Variants in HSD3B1 observed in about 807,000 individuals in gnomAD.
HSD3B1 encodes the protein hydroxy-delta-5-steroid dehydrogenase, 3 beta- and steroid delta-isomerase 1.
In HSD3B1, 11 loss-of-function variants were observed where a neutral mutation model predicts 10.4. The ratio of observed to expected loss-of-function variants is 1.05; its 90% CI spans 0.66 to 1.75. The LOEUF (loss-of-function observed/expected upper bound fraction) is 1.75, where lower values mean the gene tolerates loss of function less well. Ranked by LOEUF, HSD3B1 falls within the 40% of genes most tolerant of loss-of-function variation. The probability of loss-of-function intolerance (pLI) is 0.00; values close to 1 mark genes in which losing one functional copy is unlikely to be tolerated. For missense variants in HSD3B1, 490 were observed against 454.5 expected, an observed-to-expected ratio of 1.08 and a Z score of -0.71; for synonymous variants, 217 against 185.4, an observed-to-expected ratio of 1.17 and a Z score of -1.39.
intron 2 of HSD3B1, 137 bp from the exon 3 acceptor site, chr1:119,511,366 T>G: frequency 1.3e-6 from 1 of 770,468 alleles, no homozygotes; most frequent in South Asian, 1.6e-5. Flanking sequence ...TTACTTGTTC[T>G]TTCCGTAGAA....
At position 119,510,717 on chromosome 1, in the gene HSD3B1, C is replaced by CTTTTTTTTTTTTTTTTTTTTTT. The variant is rs962978657; in HGVS notation, c.146-770_146-749dup. Among the ~76,000 whole-genome samples, 8 of 54,168 alleles carry CTTTTTTTTTTTTTTTTTTTTTT rather than the reference C, an allele frequency of 1.5e-4. 3 individuals carry two copies. Among genetic ancestry groups the CTTTTTTTTTTTTTTTTTTTTTT allele is most frequent in the Admixed American group, 9.6e-4 (4 of 4,176 alleles). The allele number at this position is 54,168 out of a possible 152,430, so 35.5% of individuals were successfully genotyped here. A position where few individuals can be genotyped will look rare whatever the true frequency, so the allele number is the denominator to read the frequency against. ...TTTTTGTTGTTGCTTGTGTGGTTTT[C>CTTTTTTTTTTTTTTTTTTTTTT]TTTTTTTTTTTTTTTTTTTTTTTTT... On this transcript the variant is annotated intron_variant, in intron 2 of 3. Coordinates refer to ENST00000369413, the MANE Select transcript of HSD3B1 (RefSeq NM_000862.3).
At chr1:119,509,913 T>C (rs7524638) in intron 2 of HSD3B1, among the ~76,000 whole-genome samples, 6,799 of 152,288 alleles carry the variant, frequency 0.045, 409 homozygotes, top group African/African-American at 0.14. Flanking sequence ...CTGCACCTGG[T>C]GTACAGGGTA....
rs1355337567 is a variant in HSD3B1, at chr1:119,513,958, G to C, written c.435G>C (p.Glu145Asp). The C allele has an allele frequency of 6.2e-7, 1 of 1,613,994 alleles. No individual in the cohort carries two copies. The change falls in exon 4 of 4, where the codon GAG (glutamate) becomes GAC (aspartate). Residue 145 changes from glutamate to aspartate, a missense_variant. Coordinates refer to ENST00000369413, the MANE Select transcript of HSD3B1 (RefSeq NM_000862.3). Reference protein sequence around the residue: ...KEIIQNGHEEEPLENTWPAPY... With the variant: ...KEIIQNGHEEDPLENTWPAPY... ...TCATCCAGAATGGCCATGAAGAAGAGCCTCTGGAAAACACATGGCCCGCTC... is the reference window on the plus strand; with the variant it reads ...TCATCCAGAATGGCCATGAAGAAGACCCTCTGGAAAACACATGGCCCGCTC...
intron 2 of HSD3B1, among the ~76,000 whole-genome samples, chr1:119,510,052 A>G (rs587691597): frequency 6.6e-6 from 1 of 152,268 alleles, no homozygotes; most frequent in South Asian, 2.1e-4. Context: ...ACCTCATGAG[A>G]TAGCTGTAAA....
chr1:119,514,954 C>G lies in HSD3B1; in HGVS notation c.*309C>G, dbSNP rs1257835723. The G allele has an allele frequency of 2.6e-6, 1 of 377,400 alleles. No individual in the cohort carries two copies. Among genetic ancestry groups the G allele is most frequent in the African/African-American group, 2.1e-5 (1 of 48,760 alleles). 23.4% of individuals were successfully genotyped at this position (377,400 alleles called of 1,614,324 possible). ...TTGAGGGTCGTTTTGACTACTAGAG[C>G]TCCATTTCTACTCTTAAATGAGAAA... On this transcript the variant is annotated 3_prime_UTR_variant, in exon 4 of 4. Transcript: ENST00000369413.
intron 1 of HSD3B1, 41 bp downstream of exon 1, chr1:119,507,303 G>A (rs2101452951): frequency 1.6e-6 from 1 of 628,936 alleles, no homozygotes; most frequent in East Asian, 2.8e-5. Flanking sequence ...TCCTGCAGTG[G>A]TGGGGACACA....
intron 2 of HSD3B1, among the ~76,000 whole-genome samples, chr1:119,508,812 ACT>A (rs1384761851): frequency 1.3e-5 from 2 of 151,856 alleles, no homozygotes; most frequent in Non-Finnish European, 2.9e-5. Flanking sequence ...CACACCCAAC[ACT>A]CTACTTTTGC....
chr1:119,507,765 A>G (rs1653831404), intron 2 of HSD3B1, 144 bp downstream of exon 2: 1 of 797,802 alleles, frequency 1.3e-6, no homozygotes, highest in Admixed American at 2.2e-5. Flanking sequence ...AGAAATAAAT[A>G]TTAAATAGTA....
intron 3 of HSD3B1, among the ~76,000 whole-genome samples, chr1:119,513,057 A>G (rs772778659): frequency 1.1e-4 from 16 of 152,320 alleles, no homozygotes; most frequent in Non-Finnish European, 1.6e-4. Flanking sequence ...TTACCAGCAG[A>G]GGACACACTT....
intron 2 of HSD3B1, among the ~76,000 whole-genome samples, chr1:119,509,608 G>T (rs1168598264): frequency 6.6e-6 from 1 of 152,268 alleles, no homozygotes; most frequent in East Asian, 1.9e-4. Context: ...CCACTCTCAG[G>T]CTGTTACCCA....
Position 119,514,505 on chromosome 1 carries a change from A to T in HSD3B1, c.982A>T (p.Thr328Ser), listed in dbSNP as rs1177158660. The T allele has an allele frequency of 1.2e-6, 2 of 1,613,792 alleles. No individual in the cohort carries two copies. Among genetic ancestry groups the T allele is most frequent in the Admixed American group, 3.3e-5 (2 of 59,970 alleles). Reference sequence around the variant, plus strand: ...AGTCACATTGTCAAATAGCGTATTCACCTTCTCTTATAAGAAGGCTCAGCG... The same window carrying T: ...AGTCACATTGTCAAATAGCGTATTCTCCTTCTCTTATAAGAAGGCTCAGCG... ...HIVTLSNSVF[T>S]FSYKKAQRDL... is the part of the protein sequence containing the mutation. Residue 328 changes from threonine to serine, a missense_variant, in exon 4 of 4, where the codon ACC becomes TCC. Transcript: ENST00000369413.
rs752637542 is a variant in HSD3B1 at position 119,514,407 on chromosome 1, G to A, written c.884G>A (p.Gly295Asp). 8 of 1,613,980 alleles carry A rather than the reference G, an allele frequency of 5.0e-6. No homozygotes were observed. In the Admixed American group the frequency reaches 6.7e-5, roughly 13 times the overall value. ...SFPLSLMYWI[G>D]FLLEIVSFLL... is the part of the protein sequence containing the mutation. ...CCTTTATCCCTGATGTATTGGATTG[G>A]CTTCCTGCTGGAAATAGTGAGCTTC... is the stretch of plus-strand genomic sequence containing the variant. Residue 295 changes from glycine (G) to aspartate (D), a missense_variant, in exon 4 of 4, where the codon GGC becomes GAC. Gly to Asp is a moderately conservative substitution (Grantham distance 94). Transcript: ENST00000369413.
Position 119,514,556 on chromosome 1 carries a change from A to G in HSD3B1, c.1033A>G (p.Ser345Gly). The G allele has an allele frequency of 6.2e-7, 1 of 1,614,010 alleles. No individual in the cohort carries two copies. The highest frequency in any genetic ancestry group is 8.5e-7 in the Non-Finnish European group (1 of 1,180,006). The part of the protein sequence containing the change: ...QRDLAYKPLY[S>G]WEEAKQKTVE... ...AGATCTGGCGTATAAGCCACTCTAC[A>G]GCTGGGAGGAAGCCAAGCAGAAAAC... Residue 345 changes from serine to glycine, a missense_variant, in exon 4 of 4, where the codon AGC becomes GGC. Physicochemically the swap from Ser to Gly is moderately conservative, Grantham distance 56 (BLOSUM62 0). Coordinates refer to ENST00000369413, the MANE Select transcript of HSD3B1 (RefSeq NM_000862.3).
At chr1:119,508,718 C>A (rs924087846) in intron 2 of HSD3B1, among the ~76,000 whole-genome samples, 2 of 152,224 alleles carry the variant, frequency 1.3e-5, no homozygotes, top group Non-Finnish European at 2.9e-5. Flanking sequence ...ATTTGGGGGA[C>A]TGTGTGTCTA....
At chr1:119,512,157 C>T (rs1027682440) in intron 3 of HSD3B1, among the ~76,000 whole-genome samples, 2 of 152,126 alleles carry the variant, frequency 1.3e-5, no homozygotes, top group African/African-American at 4.8e-5. Flanking sequence ...AACAAAAAGT[C>T]CTCTCGAGAG....
downstream of HSD3B1, chr1:119,515,056 G>A (rs1164262502): frequency 4.6e-6 from 1 of 217,766 alleles, no homozygotes; most frequent in South Asian, 7.8e-5. Context: ...AATGTTTAAT[G>A]TGGAGGGAGG....
chr1:119,508,915 GC>G (rs1422093138), intron 2 of HSD3B1, among the ~76,000 whole-genome samples: 1 of 152,178 alleles, frequency 6.6e-6, no homozygotes, highest in Non-Finnish European at 1.5e-5. Flanking sequence ...TATAATCCTT[GC>G]CTGTGTCTCA....
chr1:119,513,068 C>G (rs760310332), intron 3 of HSD3B1, among the ~76,000 whole-genome samples: 1 of 152,174 alleles, frequency 6.6e-6, no homozygotes, highest in Non-Finnish European at 1.5e-5. Context: ...GGACACACTT[C>G]TCTCCCCAGC....
intron 2 of HSD3B1, 59 bp downstream of exon 2, chr1:119,507,680 G>T: frequency 6.5e-7 from 1 of 1,549,216 alleles, no homozygotes. Flanking sequence ...TGTATGTGGG[G>T]GGAGATGGAC....
Sources: allele counts gnomAD v4.1 joint callset (sites outside exome capture counted in the v4.1 genomes callset), GRCh38; gene constraint gnomAD v4.1.1; transcripts MANE v1.5; gene names NCBI Gene and HGNC (gene_info 2026-07-23, HGNC 2026-07-21).